Variants in KCNT2 observed in about 807,000 individuals in gnomAD.
The protein encoded by KCNT2 is potassium channel subfamily T member 2.
Under a neutral mutation model 153.8 loss-of-function variants are expected in KCNT2, and 67 were observed. The observed-to-expected ratio is 0.44, with a 90% CI of 0.36 to 0.53. The LOEUF (loss-of-function observed/expected upper bound fraction) is 0.53, where lower values mean the gene tolerates loss of function less well. KCNT2 is among the 20% of genes least tolerant of loss of function. The probability of loss-of-function intolerance (pLI) is 0.00; values close to 1 mark genes in which losing one functional copy is unlikely to be tolerated. For synonymous variants in KCNT2, 500 were observed against 458.8 expected (o/e 1.09, Z -1.15); for missense variants, 975 against 1,354.8 (o/e 0.72, Z 4.40).
At chr1:196,231,720 G>A (rs1448900062) in intron 27 of KCNT2, among the ~76,000 whole-genome samples, 1 of 151,722 alleles carries the variant, frequency 6.6e-6, no homozygotes, top group Non-Finnish European at 1.5e-5. Context: ...TTTGACTTTA[G>A]AAAACTAGTA....
At chr1:196,409,607 A>C (rs1672117146) in intron 12 of KCNT2, among the ~76,000 whole-genome samples, 1 of 151,676 alleles carries the variant, frequency 6.6e-6, no homozygotes, top group Non-Finnish European at 1.5e-5. Flanking sequence ...GTGTCACAAC[A>C]CATCATTTCT....
intron 12 of KCNT2, among the ~76,000 whole-genome samples, chr1:196,419,242 T>A (rs1308654926): frequency 6.6e-6 from 1 of 150,678 alleles, no homozygotes; most frequent in East Asian, 2.0e-4. Flanking sequence ...TAGTTACATA[T>A]GTATACATGT....
chr1:196,438,264 A>G (rs1674904849), intron 8 of KCNT2, among the ~76,000 whole-genome samples: 1 of 151,858 alleles, frequency 6.6e-6, no homozygotes, highest in Non-Finnish European at 1.5e-5. Flanking sequence ...TATTTTACAA[A>G]AAAATAAAAT....
At chr1:196,429,046 A>AT (rs1159565647) in intron 9 of KCNT2, among the ~76,000 whole-genome samples, 2 of 139,338 alleles carry the variant, frequency 1.4e-5, no homozygotes, top group Non-Finnish European at 3.1e-5. Flanking sequence ...GTTTTACCTT[A>AT]TAGCCCAAGC....
chr1:196,427,892 G>A (rs928534044), intron 10 of KCNT2, among the ~76,000 whole-genome samples: 7 of 151,974 alleles, frequency 4.6e-5, no homozygotes, highest in African/African-American at 7.2e-5. Context: ...GTCTTTCAGC[G>A]TAGATACAGA....
At chr1:196,375,607 C>G (rs1049800995) in intron 13 of KCNT2, among the ~76,000 whole-genome samples, 1 of 151,286 alleles carries the variant, frequency 6.6e-6, no homozygotes, top group African/African-American at 2.4e-5. Flanking sequence ...AAAAAACATG[C>G]TTTTTATTAT....
At chr1:196,541,526 A>G (rs1004590823) in intron 1 of KCNT2, among the ~76,000 whole-genome samples, 2 of 152,168 alleles carry the variant, frequency 1.3e-5, no homozygotes, top group Admixed American at 1.3e-4. Context: ...GCACAAACAT[A>G]CTCATTGCAT....
In KCNT2 at chr1:196,348,920, G is replaced by A. The variant is rs988328267; in HGVS notation, c.1404-6692C>T. 3.3e-5 allele frequency among the ~76,000 whole-genome samples: 5 copies of A among 151,914 alleles called. No individual in the cohort carries two copies. In the South Asian group the frequency reaches 1.0e-3, roughly 32 times the overall value. On this transcript the variant is annotated intron_variant, in intron 14 of 27. Transcript: ENST00000294725. ...TGCCTGGGCGTGGTGGTGCATGCCT[G>A]TAATCCCAGCTACTCCAGCCTGGGC... is the stretch of plus-strand genomic sequence containing the variant.
chr1:196,228,284 A>G lies in KCNT2; in HGVS notation c.3348T>C (p.Ser1116=). The G allele has an allele frequency of 1.2e-6, 2 of 1,611,734 alleles. No homozygotes were observed. Among genetic ancestry groups the G allele is most frequent in the South Asian group, 2.2e-5 (2 of 90,852 alleles). Residue 1116 remains serine, a synonymous_variant, in exon 28 of 28, where the codon AGT becomes AGC. Transcript: ENST00000294725. ...TGACATTGCAGATGCTGTTTCTTCG[A>G]CTGGGCTCACTGTTTGGAAGGTAGG... ...PLAYLPNSEP[S]RRNSICNVTG...
intron 14 of KCNT2, among the ~76,000 whole-genome samples, chr1:196,350,069 G>C (rs1209717881): frequency 2.0e-5 from 3 of 152,094 alleles, no homozygotes; most frequent in African/African-American, 7.2e-5. Context: ...GTATTCCATG[G>C]TGTATATGTG....
At chr1:196,255,362 A>G (rs1428942736) in intron 26 of KCNT2, among the ~76,000 whole-genome samples, 1 of 151,766 alleles carries the variant, frequency 6.6e-6, no homozygotes, top group Non-Finnish European at 1.5e-5. Flanking sequence ...GGCTTGTCCA[A>G]CTTGGAGGTG....
At chr1:196,319,917 A>AT (rs1021191374) in intron 19 of KCNT2, among the ~76,000 whole-genome samples, 3 of 151,658 alleles carry the variant, frequency 2.0e-5, no homozygotes, top group South Asian at 4.2e-4. Flanking sequence ...AAACTAATGC[A>AT]TTTTTTTAGA....
At chr1:196,246,981 A>G (rs1238449296) in intron 26 of KCNT2, among the ~76,000 whole-genome samples, 3 of 152,126 alleles carry the variant, frequency 2.0e-5, no homozygotes, top group African/African-American at 7.2e-5. Context: ...CCCAATCAAA[A>G]TACAAGAGCA....
At chr1:196,428,303 A>G in intron 9 of KCNT2, 34 bp from the exon 10 acceptor site, 4 of 1,502,892 alleles carry the variant, frequency 2.7e-6, no homozygotes, top group South Asian at 1.1e-5. Flanking sequence ...AATGAAAAAC[A>G]CAGTAAGGAA....
At chr1:196,377,837 C>A (rs1669104849) in intron 13 of KCNT2, among the ~76,000 whole-genome samples, 1 of 152,034 alleles carries the variant, frequency 6.6e-6, no homozygotes, top group Non-Finnish European at 1.5e-5. Flanking sequence ...GACTTCCCAG[C>A]CAGACCAATA....
intron 14 of KCNT2, among the ~76,000 whole-genome samples, chr1:196,368,021 A>G (rs1668186659): frequency 6.6e-6 from 1 of 152,172 alleles, no homozygotes; most frequent in Non-Finnish European, 1.5e-5. Context: ...ATAAGAAAAC[A>G]GAACAACGTG....
Position 196,340,394 on chromosome 1 carries a change from G to A in KCNT2, c.1730C>T (p.Ser577Leu), listed in dbSNP as rs140538298. 64 of 1,612,442 alleles carry A rather than the reference G, an allele frequency of 4.0e-5. No homozygotes were observed. The highest frequency in any genetic ancestry group is 5.0e-5 in the Non-Finnish European group (59 of 1,179,134). The change falls in exon 16 of 28, where the codon TCG becomes TTG. Residue 577 changes from serine to leucine, a missense_variant. Ser to Leu is a moderately radical substitution (Grantham distance 145, BLOSUM62 -2). Coordinates refer to ENST00000294725, the MANE Select transcript of KCNT2 (RefSeq NM_198503.5). ...DQQRKSNVSR[S>L]FYHGPSRLPV... is the part of the protein sequence containing the mutation. ...TAATCTGGAAGGTCCATGATAAAACGACCTGGACACATTGCTTTTTCTCTG... is the reference window on the plus strand; with the variant it reads ...TAATCTGGAAGGTCCATGATAAAACAACCTGGACACATTGCTTTTTCTCTG...
In KCNT2 at chr1:196,396,118, G is replaced by A. The variant is rs537300835; in HGVS notation, c.1294+2445C>T. On this transcript the variant is annotated intron_variant, in intron 13 of 27. Coordinates refer to ENST00000294725, the MANE Select transcript of KCNT2 (RefSeq NM_198503.5). ...TTGGGTTGGCTGGTAAGTAAGTTGG[G>A]AGCTGGACAGGTGAGGTGCTGGTAT... Among the ~76,000 whole-genome samples, 16 of 151,716 alleles carry A rather than the reference G, an allele frequency of 1.1e-4. 3 individuals carry two copies. Among genetic ancestry groups the A allele is most frequent in the African/African-American group, 3.9e-4 (16 of 41,472 alleles).
At chr1:196,461,665 A>C (rs1164747130) in intron 8 of KCNT2, among the ~76,000 whole-genome samples, 1 of 151,726 alleles carries the variant, frequency 6.6e-6, no homozygotes, top group Non-Finnish European at 1.5e-5. Context: ...TTAGAGACGC[A>C]GAATGAATCA....
Sources: allele counts gnomAD v4.1 joint callset (sites outside exome capture counted in the v4.1 genomes callset), GRCh38; gene constraint gnomAD v4.1.1; transcripts MANE v1.5; gene names NCBI Gene and HGNC (gene_info 2026-07-23, HGNC 2026-07-21).